Variants in REXO1 observed in about 807,000 individuals in gnomAD.
REXO1 encodes the protein RNA exonuclease 1 homolog, also known as REX1, RNA exonuclease 1 homolog.
REXO1 carries 42 observed loss-of-function variants against 102.6 expected under a neutral mutation model. The ratio of observed to expected loss-of-function variants is 0.41; its 90% CI spans 0.32 to 0.53. The LOEUF is 0.53. REXO1 is among the 20% of genes least tolerant of loss of function. REXO1 has a pLI of 0.27. For missense variants in REXO1, 1,819 were observed against 1,732.5 expected (o/e 1.05, Z -0.89); for synonymous variants, 908 against 779.1 (o/e 1.17, Z -2.76).
chr19:1,829,975 C>A (rs1282736635), intron 1 of REXO1, among the ~76,000 whole-genome samples: 1 of 152,150 alleles, frequency 6.6e-6, no homozygotes, highest in Non-Finnish European at 1.5e-5. Flanking sequence ...TCCCGGGGGG[C>A]AGCTGGGAAC....
chr19:1,835,549 C>CACAT (rs746926702), intron 1 of REXO1, among the ~76,000 whole-genome samples: 11 of 152,056 alleles, frequency 7.2e-5, no homozygotes, highest in South Asian at 2.1e-4. Flanking sequence ...CATGCATACA[C>CACAT]ACATACATAC....
chr19:1,829,411 G>T (rs1027833405), intron 1 of REXO1, among the ~76,000 whole-genome samples: 17 of 150,098 alleles, frequency 1.1e-4, no homozygotes, highest in African/African-American at 4.1e-4. Context: ...GCTAATTTTT[G>T]TATTTTTAGT....
At chr19:1,838,128 TGG>T (rs1471756384) in intron 1 of REXO1, among the ~76,000 whole-genome samples, 3 of 152,096 alleles carry the variant, frequency 2.0e-5, no homozygotes, top group African/African-American at 7.2e-5. Context: ...GAGACCAGCC[TGG>T]CCAACATGGG....
At chr19:1,824,544 A>C (rs1175516129) in intron 3 of REXO1, 1 of 152,240 alleles carries the variant, frequency 6.6e-6, no homozygotes, top group Non-Finnish European at 1.5e-5. Flanking sequence ...AACTTGTCAT[A>C]ACATGTCTGA....
At position 1,826,125 on chromosome 19, in the gene REXO1, G is replaced by A. The variant is rs1267648347; in HGVS notation, c.1912-182C>T. ...TGGGTGCAGTCGGAGGGGTGGGCAG[G>A]TGTCACACGTTCTGCAGATGCCCAA... is the stretch of plus-strand genomic sequence containing the variant. On this transcript the variant is annotated intron_variant, in intron 2 of 15. Coordinates refer to ENST00000170168, the MANE Select transcript of REXO1 (RefSeq NM_020695.4). The surrounding 1 kb of genome is among the most constrained non-coding windows in gnomAD (Gnocchi z 4.3). Among the ~76,000 whole-genome samples the A allele has an allele frequency of 2.0e-5, 3 of 152,124 alleles. No individual in the cohort carries two copies. Among genetic ancestry groups the A allele is most frequent in the Non-Finnish European group, 4.4e-5 (3 of 68,022 alleles).
intron 1 of REXO1, among the ~76,000 whole-genome samples, chr19:1,839,776 T>C (rs1473731420): frequency 2.0e-5 from 3 of 152,156 alleles, no homozygotes; most frequent in African/African-American, 7.2e-5. Flanking sequence ...CCCTCCGAAG[T>C]CCTCCCTGCA....
intron 15 of REXO1, 22 bp from the exon 16 acceptor site, chr19:1,816,176 C>A: frequency 6.4e-7 from 1 of 1,555,974 alleles, no homozygotes; most frequent in Non-Finnish European, 8.7e-7. Flanking sequence ...ATGCGGTGAG[C>A]ACCCGGCCCC....
intron 1 of REXO1, among the ~76,000 whole-genome samples, chr19:1,837,124 G>A (rs1038475713): frequency 6.6e-6 from 1 of 152,244 alleles, no homozygotes; most frequent in African/African-American, 2.4e-5. Flanking sequence ...CTCGCGAAGC[G>A]CAAGGCAGGG....
intron 1 of REXO1, among the ~76,000 whole-genome samples, chr19:1,843,833 TC>T (rs1465367669): frequency 2.0e-4 from 30 of 152,120 alleles, no homozygotes; most frequent in Admixed American, 1.2e-3. Flanking sequence ...GCCGGCTGTC[TC>T]CCATCCACCA....
intron 1 of REXO1, among the ~76,000 whole-genome samples, chr19:1,840,216 G>A (rs545259085): frequency 1.3e-5 from 2 of 152,338 alleles, no homozygotes; most frequent in African/African-American, 4.8e-5. Flanking sequence ...GCACCCCAGC[G>A]TCGACGGAGC....
chr19:1,827,162 G>A lies in REXO1; in HGVS notation c.1627C>T (p.Leu543Phe). The A allele has an allele frequency of 1.3e-6, 2 of 1,541,770 alleles. No individual in the cohort carries two copies. Among genetic ancestry groups the A allele is most frequent in the South Asian group, 1.2e-5 (1 of 84,036 alleles). ...TCTGAGTCCGAGCTGAGGCTGGGGA[G>A]GGCAGAGGGCCACACGCTCGGCACC... is the stretch of plus-strand genomic sequence containing the variant. ...PGVPSVWPSA[L>F]PSLSSDSDSD... Residue 543 changes from leucine to phenylalanine, a missense_variant, in exon 2 of 16, where the codon CTC becomes TTC. Physicochemically the swap from Leu to Phe is conservative, Grantham distance 22 (BLOSUM62 0). Coordinates refer to ENST00000170168, the MANE Select transcript of REXO1 (RefSeq NM_020695.4).
Position 1,848,390 on chromosome 19 carries a change from G to A in REXO1, c.-32C>T, listed in dbSNP as rs1442202490. On this transcript the variant is annotated 5_prime_UTR_variant, in exon 1 of 16. Transcript: ENST00000170168. ...TCCCGCGGCGGGGCCCCGGCCCGGA[G>A]CCGCCCGGGCCCCAGGGCCCCCTCA... is the stretch of plus-strand genomic sequence containing the variant. The A allele has an allele frequency of 1.7e-5, 20 of 1,187,094 alleles. No individual in the cohort carries two copies. The highest frequency in any genetic ancestry group is 3.4e-4 in the Middle Eastern group (1 of 2,972). 73.5% of individuals were successfully genotyped at this position (1,187,094 alleles called of 1,614,324 possible). A position where few individuals can be genotyped will look rare whatever the true frequency, so the allele number is the denominator to read the frequency against.
Position 1,815,900 on chromosome 19 carries a change from G to C in REXO1, c.*166C>G, listed in dbSNP as rs1293927083. ...GGAGGGGTGCGGCAGGACGTGAGCG[G>C]GGGTGGGCTGGGCTGGGCGTTCTCT... On this transcript the variant is annotated 3_prime_UTR_variant, in exon 16 of 16. Coordinates refer to ENST00000170168, the MANE Select transcript of REXO1 (RefSeq NM_020695.4). This position sits in a 1 kb window ranked among gnomAD's most constrained non-coding sequence, Gnocchi z 4.0. 6.5e-7 allele frequency: 1 copy of C among 1,533,154 alleles called. No individual in the cohort carries two copies. The highest frequency in any genetic ancestry group is 2.0e-5 in the Admixed American group (1 of 50,950). 95.0% of individuals were successfully genotyped at this position (1,533,154 alleles called of 1,614,324 possible).
chr19:1,815,604 G>T lies in REXO1; in HGVS notation c.*462C>A. The T allele has an allele frequency of 9.8e-7, 1 of 1,024,800 alleles. No individual in the cohort carries two copies. The highest frequency in any genetic ancestry group is 1.2e-6 in the Non-Finnish European group (1 of 806,734). 63.5% of individuals were successfully genotyped at this position (1,024,800 alleles called of 1,614,324 possible). On this transcript the variant is annotated 3_prime_UTR_variant, in exon 16 of 16. Coordinates refer to ENST00000170168, the MANE Select transcript of REXO1 (RefSeq NM_020695.4). The surrounding 1 kb of genome is among the most constrained non-coding windows in gnomAD (Gnocchi z 4.0). The stretch of plus-strand genomic sequence containing the variant: ...GGCAGCAGGCCCGCTCTTCCCGGTG[G>T]GAAAGATGCTGTGCAAGTCATCAGG...
chr19:1,846,014 G>A (rs752957858), intron 1 of REXO1, among the ~76,000 whole-genome samples: 3 of 152,238 alleles, frequency 2.0e-5, no homozygotes, highest in Non-Finnish European at 2.9e-5. Flanking sequence ...CGCGTGTCCA[G>A]CACAGAGCAT....
At chr19:1,847,501 T>C (rs543608083) in intron 1 of REXO1, among the ~76,000 whole-genome samples, 121 of 152,286 alleles carry the variant, frequency 7.9e-4, no homozygotes, top group African/African-American at 2.9e-3. Context: ...TTCCTTGCGA[T>C]GTCCCTCTTT....
Position 1,826,554 on chromosome 19 carries a change from G to C in REXO1, c.1911+324C>G, listed in dbSNP as rs1157881286. 6.6e-6 allele frequency among the ~76,000 whole-genome samples: 1 copy of C among 151,652 alleles called. No individual in the cohort carries two copies. The highest frequency in any genetic ancestry group is 1.5e-5 in the Non-Finnish European group (1 of 67,882). On this transcript the variant is annotated intron_variant, in intron 2 of 15. Transcript: ENST00000170168. The surrounding 1 kb of genome is among the most constrained non-coding windows in gnomAD (Gnocchi z 4.3). ...GGGAGAGGGGCTAGAAGGGTGTGCC[G>C]GAGGTGGATTCCCCTGAGGTGGGTG...
intron 11 of REXO1, 126 bp downstream of exon 11, chr19:1,817,581 G>GA (rs1241967585): frequency 6.9e-7 from 1 of 1,442,924 alleles, no homozygotes; most frequent in Non-Finnish European, 9.3e-7. Flanking sequence ...GGTAACACAA[G>GA]AAAGGCTGCC....
Position 1,828,441 on chromosome 19 carries a change from GGTC to G in REXO1, c.345_347del (p.Thr116del). On this transcript the variant is annotated inframe_deletion, in exon 2 of 16. Coordinates refer to ENST00000170168, the MANE Select transcript of REXO1 (RefSeq NM_020695.4). ...GGGCCTCGGCGGAGCGGTGCTCACG[GGTC>G]GTCTCCAGCAGCTCCCGGTAGCGCC... The G allele has an allele frequency of 6.2e-7, 1 of 1,609,076 alleles. No individual in the cohort carries two copies. Among genetic ancestry groups the G allele is most frequent in the Non-Finnish European group, 8.5e-7 (1 of 1,179,340 alleles).
Sources: allele counts gnomAD v4.1 joint callset (sites outside exome capture counted in the v4.1 genomes callset), GRCh38; gene constraint gnomAD v4.1.1; non-coding constraint Gnocchi (gnomAD v3.1); transcripts MANE v1.5; gene names NCBI Gene and HGNC (gene_info 2026-07-23, HGNC 2026-07-21).